FREM1: variants seen among roughly 807,000 people sequenced by gnomAD.
FREM1 encodes FRAS1-related extracellular matrix protein 1.
FREM1 carries 220 observed loss-of-function variants against 210.1 expected under a neutral mutation model. The ratio of observed to expected loss-of-function variants is 1.05; its 90% CI spans 0.94 to 1.17. The LOEUF is 1.17. Ranked by LOEUF, FREM1 falls within the 50% of genes most tolerant of loss-of-function variation. The probability of loss-of-function intolerance (pLI) is 0.00; values close to 1 mark genes in which losing one functional copy is unlikely to be tolerated. For synonymous variants in FREM1, 1,189 were observed against 980.2 expected, an observed-to-expected ratio of 1.21 and a Z score of -3.98; for missense variants, 3,454 against 2,675.5, an observed-to-expected ratio of 1.29 and a Z score of -6.42.
intron 24 of FREM1, among the ~76,000 whole-genome samples, chr9:14,778,953 A>C (rs995866650): frequency 1.3e-5 from 2 of 152,216 alleles, no homozygotes; most frequent in Non-Finnish European, 2.9e-5. Flanking sequence ...CTTTTTACTT[A>C]GTCACCTTCA....
At chr9:14,785,270 C>T (rs145437895) in intron 23 of FREM1, among the ~76,000 whole-genome samples, 4 of 152,274 alleles carry the variant, frequency 2.6e-5, no homozygotes, top group African/African-American at 9.6e-5. Flanking sequence ...GAATGAACTA[C>T]AGCTACATGG....
At chr9:14,910,540 T>A (rs1818545688), upstream of FREM1, 1 of 152,792 alleles carries the variant, frequency 6.5e-6, no homozygotes, top group African/African-American at 2.4e-5. Flanking sequence ...CACAGTCACA[T>A]ACAGACACAC....
chr9:14,813,082 T>G lies in FREM1; in HGVS notation c.2641-18A>C. The G allele has an allele frequency of 6.3e-7, 1 of 1,584,814 alleles. No individual in the cohort carries two copies. Among genetic ancestry groups the G allele is most frequent in the Non-Finnish European group, 8.6e-7 (1 of 1,161,792 alleles). ...GGGAATACCTAGGCAATGGAAAAAA[T>G]GCATGTTTTCAGAAAAAGAAAGAAA... On this transcript the variant is annotated intron_variant, in intron 15 of 36. Coordinates refer to ENST00000380880, the MANE Select transcript of FREM1 (RefSeq NM_001379081.2).
chr9:14,888,117 G>A (rs1186467641), intron 1 of FREM1, among the ~76,000 whole-genome samples: 2 of 152,042 alleles, frequency 1.3e-5, no homozygotes, highest in Non-Finnish European at 2.9e-5. Flanking sequence ...ATTTATACGT[G>A]TTTACTATAT....
At chr9:14,785,134 A>T (rs1287862958) in intron 23 of FREM1, among the ~76,000 whole-genome samples, 1 of 152,218 alleles carries the variant, frequency 6.6e-6, no homozygotes, top group Non-Finnish European at 1.5e-5. Context: ...ACATGCACCC[A>T]AATGGTCATT....
At chr9:14,893,483 G>A (rs1182803635) in intron 1 of FREM1, among the ~76,000 whole-genome samples, 1 of 152,154 alleles carries the variant, frequency 6.6e-6, no homozygotes, top group African/African-American at 2.4e-5. Context: ...GGTGGCCTGG[G>A]TTCAGGGTTC....
chr9:14,871,116 C>T (rs1487839083), intron 1 of FREM1, among the ~76,000 whole-genome samples: 4 of 152,070 alleles, frequency 2.6e-5, no homozygotes, highest in Non-Finnish European at 4.4e-5. Context: ...AATAAACATA[C>T]GTGTGCATGT....
intron 1 of FREM1, among the ~76,000 whole-genome samples, chr9:14,903,207 T>C (rs1434965987): frequency 6.6e-6 from 1 of 152,192 alleles, no homozygotes; most frequent in African/African-American, 2.4e-5. Flanking sequence ...TGTGTGAAAG[T>C]AGGTAGCAGA....
intron 3 of FREM1, among the ~76,000 whole-genome samples, chr9:14,863,211 G>A (rs899766298): frequency 6.6e-6 from 1 of 151,576 alleles, no homozygotes; most frequent in Non-Finnish European, 1.5e-5. Context: ...CGTAGTGGTG[G>A]GCGCCTGTAG....
chr9:14,790,590 T>G (rs903364173), intron 22 of FREM1: 1 of 152,140 alleles, frequency 6.6e-6, no homozygotes, highest in African/African-American at 2.4e-5. Flanking sequence ...TTACTTGCAC[T>G]CCAAAATGTA....
intron 10 of FREM1, among the ~76,000 whole-genome samples, chr9:14,829,858 T>C (rs1382888319): frequency 6.6e-6 from 1 of 152,126 alleles, no homozygotes. Context: ...TAAGAGATCT[T>C]AATCCAGGAG....
At chr9:14,848,814 T>C in intron 6 of FREM1, 41 bp from the exon 7 acceptor site, 1 of 1,229,668 alleles carries the variant, frequency 8.1e-7, no homozygotes, top group Non-Finnish European at 1.2e-6. Flanking sequence ...CACTGAAGCG[T>C]TACAGGGTAA....
Position 14,851,539 on chromosome 9 carries a change from G to C in FREM1, c.897C>G (p.Phe299Leu). The change falls in exon 6 of 37, where the codon TTC (phenylalanine) becomes TTG (leucine). Residue 299 changes from phenylalanine (F) to leucine (L), a missense_variant. Physicochemically the swap from Phe to Leu is conservative, Grantham distance 22 (BLOSUM62 0). Transcript: ENST00000380880. ...CCACTTCCAGAATAAACACGGCCAT[G>C]AATGCAGCCTTTGGAATCTGATTCG... ...GIPNQIPKAA[F>L]MAVFILEVDQ... 1.2e-6 allele frequency: 2 copies of C among 1,613,938 alleles called. No individual in the cohort carries two copies. Among genetic ancestry groups the C allele is most frequent in the Non-Finnish European group, 1.7e-6 (2 of 1,179,822 alleles).
At chr9:14,835,247 A>G (rs940008008) in intron 10 of FREM1, among the ~76,000 whole-genome samples, 4 of 152,260 alleles carry the variant, frequency 2.6e-5, no homozygotes, top group Non-Finnish European at 5.9e-5. Context: ...AGCCTTTAAT[A>G]ATTGAGTAAG....
chr9:14,738,467 G>A (rs962508259), intron 36 of FREM1, among the ~76,000 whole-genome samples: 2 of 152,140 alleles, frequency 1.3e-5, no homozygotes, highest in African/African-American at 4.8e-5. Context: ...GTGACATTCT[G>A]CCTAAGCATA....
chr9:14,813,253 A>G (rs929756186), intron 15 of FREM1, among the ~76,000 whole-genome samples, 189 bp from the exon 16 acceptor site: 2 of 152,200 alleles, frequency 1.3e-5, no homozygotes, highest in African/African-American at 4.8e-5. Flanking sequence ...CTTGCAAGAA[A>G]TGCCCCATGT....
Position 14,750,253 on chromosome 9 carries a change from T to A in FREM1, c.5431A>T (p.Ile1811Leu), listed in dbSNP as rs754448215. The A allele has an allele frequency of 2.5e-6, 4 of 1,611,858 alleles. No individual in the cohort carries two copies. Among genetic ancestry groups the A allele is most frequent in the Non-Finnish European group, 2.5e-6 (3 of 1,178,522 alleles). The change falls in exon 30 of 37, where the codon ATA (isoleucine) becomes TTA (leucine). Residue 1811 changes from isoleucine to leucine, a missense_variant. Ile to Leu is a conservative substitution (Grantham distance 5, BLOSUM62 2). Transcript: ENST00000380880. Reference sequence around the variant, plus strand: ...TCTAATCCGTCATAGGTAATTGCTATATTCCACATCTTAGTTGACATTCCT... The same window carrying A: ...TCTAATCCGTCATAGGTAATTGCTAAATTCCACATCTTAGTTGACATTCCT... ...DPGMSTKMWN[I>L]AITYDGLEED...
At position 14,769,748 on chromosome 9, in the gene FREM1, G is replaced by C; in HGVS notation, c.5180C>G (p.Thr1727Arg). The C allele has an allele frequency of 6.2e-7, 1 of 1,612,452 alleles. No homozygotes were observed. Among genetic ancestry groups the C allele is most frequent in the Non-Finnish European group, 8.5e-7 (1 of 1,178,972 alleles). Residue 1727 changes from threonine to arginine, a missense_variant, in exon 27 of 37, where the codon ACA becomes AGA. Physicochemically the swap from Thr to Arg is moderately conservative, Grantham distance 71. Coordinates refer to ENST00000380880, the MANE Select transcript of FREM1 (RefSeq NM_001379081.2). Reference sequence around the variant, plus strand: ...CATTTGAGGAGTGGCCGAGTTCCCTGTGGGGTCCATGATTTGAAATTCCAC... The same window carrying C: ...CATTTGAGGAGTGGCCGAGTTCCCTCTGGGGTCCATGATTTGAAATTCCAC... ...DTVEFQIMDP[T>R]GNSATPQILE... is the part of the protein sequence containing the mutation.
intron 16 of FREM1, among the ~76,000 whole-genome samples, chr9:14,811,709 T>C (rs778868723): frequency 5.3e-5 from 8 of 152,196 alleles, no homozygotes; most frequent in Non-Finnish European, 1.2e-4. Context: ...ATAGGACAAA[T>C]ATTATTTCAG....
Sources: allele counts gnomAD v4.1 joint callset (sites outside exome capture counted in the v4.1 genomes callset), GRCh38; gene constraint gnomAD v4.1.1; transcripts MANE v1.5; gene names NCBI Gene and HGNC (gene_info 2026-07-23, HGNC 2026-07-21).